CALN1: variants seen among roughly 807,000 people sequenced by gnomAD.
CALN1 encodes calcium-binding protein 8.
A neutral mutation model predicts 30.6 loss-of-function variants in CALN1; 17 were observed. That is an observed-to-expected ratio of 0.56 (90% CI 0.38 to 0.83). CALN1 has a LOEUF of 0.83. Among genes scored for constraint, CALN1 ranks in the 40% least tolerant of loss-of-function variants. The pLI, the probability that CALN1 is intolerant of heterozygous loss-of-function variation, is 0.00. For synonymous variants in CALN1, 156 were observed against 131.4 expected (o/e 1.19, Z -1.28); for missense variants, 291 against 354.9 (o/e 0.82, Z 1.45).
intron 4 of CALN1, among the ~76,000 whole-genome samples, chr7:72,032,511 C>T (rs941144085): frequency 1.3e-5 from 2 of 152,080 alleles, no homozygotes; most frequent in African/African-American, 2.4e-5. Context: ...TATTAACCCC[C>T]GTATTGTACT....
chr7:72,429,624 C>T (rs1042501249), intron 1 of CALN1, among the ~76,000 whole-genome samples: 1 of 151,674 alleles, frequency 6.6e-6, no homozygotes, highest in Non-Finnish European at 1.5e-5. Flanking sequence ...TCAATGTCAT[C>T]ATTTAAAAGA....
intron 4 of CALN1, among the ~76,000 whole-genome samples, chr7:72,052,388 T>C (rs1420415226): frequency 6.6e-6 from 1 of 152,060 alleles, no homozygotes; most frequent in African/African-American, 2.4e-5. Context: ...GATCTGCCCC[T>C]TCCCCAGGAA....
intron 3 of CALN1, among the ~76,000 whole-genome samples, chr7:72,248,701 T>A (rs1470378742): frequency 6.6e-6 from 1 of 152,108 alleles, no homozygotes; most frequent in Non-Finnish European, 1.5e-5. Context: ...CCATATAAAG[T>A]AACATGTTCA....
At chr7:72,302,190 A>T (rs995154949) in intron 2 of CALN1, among the ~76,000 whole-genome samples, 1 of 152,200 alleles carries the variant, frequency 6.6e-6, no homozygotes, top group Non-Finnish European at 1.5e-5. Context: ...AATACAAGAG[A>T]AATTCCCAGA....
intron 3 of CALN1, among the ~76,000 whole-genome samples, chr7:72,251,816 G>A (rs1329106360): frequency 6.6e-6 from 1 of 152,094 alleles, no homozygotes; most frequent in Non-Finnish European, 1.5e-5. Context: ...TTGTAATACA[G>A]TACCATAGAT....
intron 5 of CALN1, among the ~76,000 whole-genome samples, chr7:72,003,871 C>A (rs764124292): frequency 6.6e-6 from 1 of 152,180 alleles, no homozygotes; most frequent in African/African-American, 2.4e-5. Flanking sequence ...TTGTCTTCCA[C>A]GAAACCAGTC....
intron 4 of CALN1, among the ~76,000 whole-genome samples, chr7:72,088,784 G>GAGAAGTAAGAGAAGGAAGGGAAGGAA (rs1554436695): frequency 6.7e-6 from 1 of 149,018 alleles, no homozygotes; most frequent in East Asian, 2.0e-4. Flanking sequence ...AGAGAAGGAA[G>GAGAAGTAAGAGAAGGAAGGGAAGGAA]GGAAGGAAGG....
intron 3 of CALN1, among the ~76,000 whole-genome samples, chr7:72,134,614 T>C (rs1367856256): frequency 6.6e-6 from 1 of 152,266 alleles, no homozygotes; most frequent in Non-Finnish European, 1.5e-5. Flanking sequence ...CTAAAATATA[T>C]GAACAATCAT....
chr7:72,363,805 G>A (rs1318581662), intron 2 of CALN1, among the ~76,000 whole-genome samples: 1 of 140,902 alleles, frequency 7.1e-6, no homozygotes, highest in Non-Finnish European at 1.5e-5. Flanking sequence ...CGGGCTCACT[G>A]CAACCCCCGC....
intron 5 of CALN1, among the ~76,000 whole-genome samples, chr7:72,010,819 A>G (rs1414401260): frequency 1.3e-5 from 2 of 148,392 alleles, no homozygotes; most frequent in East Asian, 2.0e-4. Context: ...AAAAAAAAAG[A>G]AAAGAAAAGA....
intron 6 of CALN1, among the ~76,000 whole-genome samples, chr7:71,788,862 G>A (rs947931488): frequency 9.2e-5 from 14 of 152,018 alleles, no homozygotes; most frequent in South Asian, 2.1e-4. Context: ...GTTTCACCAC[G>A]TTAGCCAGGA....
intron 2 of CALN1, among the ~76,000 whole-genome samples, chr7:72,367,621 T>C (rs1159860826): frequency 1.3e-5 from 2 of 151,976 alleles, no homozygotes; most frequent in Non-Finnish European, 2.9e-5. Context: ...CAAGACCCTG[T>C]CTCTACAAAT....
intron 3 of CALN1, among the ~76,000 whole-genome samples, chr7:72,144,438 T>C (rs1241378836): frequency 6.6e-6 from 1 of 152,194 alleles, no homozygotes; most frequent in African/African-American, 2.4e-5. Flanking sequence ...CTTAAATATA[T>C]ATGCACCCAA....
In CALN1 at chr7:72,337,145, T is replaced by TGC. The variant is rs1364223372; in HGVS notation, c.120-58337_120-58336dup. On this transcript the variant is annotated intron_variant, in intron 2 of 6. Coordinates refer to ENST00000395275, the MANE Select transcript of CALN1 (RefSeq NM_031468.4). ...CCAGTGGCCGAGGCCCCGCTGGAGT[T>TGC]GCGCGCCCTAGAAACTCCATGCAGC... The TGC allele has an allele frequency of 5.1e-6, 5 of 985,702 alleles. No homozygotes were observed. In the African/African-American group the frequency reaches 8.7e-5, roughly 17 times the overall value. 61.1% of individuals were successfully genotyped at this position (985,702 alleles called of 1,614,324 possible).
chr7:71,966,975 T>C (rs758881158), intron 5 of CALN1, among the ~76,000 whole-genome samples: 6 of 152,210 alleles, frequency 3.9e-5, no homozygotes, highest in Non-Finnish European at 7.3e-5. Context: ...GCTTCCCCAG[T>C]AGAAGCTGTT....
At chr7:72,224,554 C>G (rs1295031845) in intron 3 of CALN1, among the ~76,000 whole-genome samples, 1 of 151,992 alleles carries the variant, frequency 6.6e-6, no homozygotes, top group Non-Finnish European at 1.5e-5. Flanking sequence ...GAGGCCAAGG[C>G]AGGTGAATTA....
chr7:72,397,710 T>TCC (rs1286894513), intron 2 of CALN1, among the ~76,000 whole-genome samples: 1 of 57,298 alleles, frequency 1.7e-5, no homozygotes, highest in African/African-American at 7.7e-5. Context: ...GCACCCATTC[T>TCC]CTCTCACACA....
At chr7:72,456,877 A>T in the CALN1 span, among the ~76,000 whole-genome samples, 12 of 151,918 alleles carry the variant, frequency 7.9e-5, no homozygotes, top group Non-Finnish European at 1.6e-4. Flanking sequence ...AATATAAAAG[A>T]TCCCTCAACC....
chr7:71,965,557 A>G (rs546137416), intron 5 of CALN1, among the ~76,000 whole-genome samples: 19 of 150,038 alleles, frequency 1.3e-4, no homozygotes, highest in Admixed American at 4.0e-4. Context: ...CTGCTATTTG[A>G]AAAACAGTAA....
Sources: allele counts gnomAD v4.1 joint callset (sites outside exome capture counted in the v4.1 genomes callset), GRCh38; gene constraint gnomAD v4.1.1; transcripts MANE v1.5; gene names NCBI Gene and HGNC (gene_info 2026-07-23, HGNC 2026-07-21).